CNTNAP2: variants seen among roughly 807,000 people sequenced by gnomAD.
The protein encoded by CNTNAP2 is contactin associated protein 2.
CNTNAP2 carries 98 observed loss-of-function variants against 155.2 expected under a neutral mutation model. That is an observed-to-expected ratio of 0.63 (90% CI 0.54 to 0.75). The LOEUF is 0.75. Among genes scored for constraint, CNTNAP2 ranks in the 30% least tolerant of loss-of-function variants. The pLI, the probability that CNTNAP2 is intolerant of heterozygous loss-of-function variation, is 0.00. For missense variants in CNTNAP2, 1,727 were observed against 1,688.1 expected, an observed-to-expected ratio of 1.02 and a Z score of -0.40; for synonymous variants, 651 against 631.2, an observed-to-expected ratio of 1.03 and a Z score of -0.47.
chr7:148,324,139 C>T (rs1348282388), intron 21 of CNTNAP2, among the ~76,000 whole-genome samples: 1 of 151,998 alleles, frequency 6.6e-6, no homozygotes, highest in Non-Finnish European at 1.5e-5. Flanking sequence ...CCCACTTCGG[C>T]CCCCCAAAGT....
intron 12 of CNTNAP2, among the ~76,000 whole-genome samples, chr7:147,577,598 G>A (rs1800418944): frequency 6.6e-6 from 1 of 151,832 alleles, no homozygotes; most frequent in Non-Finnish European, 1.5e-5. Flanking sequence ...GGGGTGGCAG[G>A]AGGGGGCTGA....
At chr7:147,139,181 C>G (rs1427046232) in intron 8 of CNTNAP2, among the ~76,000 whole-genome samples, 1 of 152,032 alleles carries the variant, frequency 6.6e-6, no homozygotes, top group Non-Finnish European at 1.5e-5. Context: ...ATTGTATCTA[C>G]TTAACATGTA....
intron 1 of CNTNAP2, among the ~76,000 whole-genome samples, chr7:146,195,845 A>G (rs1798767528): frequency 6.6e-6 from 1 of 152,284 alleles, no homozygotes; most frequent in Non-Finnish European, 1.5e-5. Flanking sequence ...ATTTGTATTT[A>G]CCACATCATT....
intron 15 of CNTNAP2, among the ~76,000 whole-genome samples, chr7:148,022,815 C>T (rs1237813370): frequency 1.3e-5 from 2 of 152,052 alleles, no homozygotes; most frequent in Admixed American, 6.6e-5. Flanking sequence ...ACCGTCTGCC[C>T]GATCATCAGT....
intron 20 of CNTNAP2, among the ~76,000 whole-genome samples, chr7:148,247,625 CTATTTATTTATTTATTTATT>C (rs71527888): frequency 6.1e-4 from 64 of 105,316 alleles, no homozygotes; most frequent in African/African-American, 2.0e-3. Context: ...CTCTCTCTCT[CTATTTATTTATTTATTTATT>C]TATTTATTTA....
intron 2 of CNTNAP2, chr7:146,782,282 A>G (rs987240470): frequency 6.6e-6 from 1 of 152,206 alleles, no homozygotes; most frequent in Non-Finnish European, 1.5e-5. Flanking sequence ...TTATAAAAGC[A>G]CATCCTTGGG....
At chr7:146,388,876 G>T (rs1434102829) in intron 1 of CNTNAP2, among the ~76,000 whole-genome samples, 1 of 152,000 alleles carries the variant, frequency 6.6e-6, no homozygotes, top group African/African-American at 2.4e-5. Flanking sequence ...GTCTTTCTGT[G>T]CCTGGCTTGA....
chr7:147,393,171 G>T (rs1379156891), intron 9 of CNTNAP2, among the ~76,000 whole-genome samples: 1 of 151,976 alleles, frequency 6.6e-6, no homozygotes, highest in Non-Finnish European at 1.5e-5. Flanking sequence ...GTCCATCTTG[G>T]AATATTATGG....
At chr7:147,227,509 C>T (rs1368942070) in intron 8 of CNTNAP2, among the ~76,000 whole-genome samples, 1 of 151,940 alleles carries the variant, frequency 6.6e-6, no homozygotes, top group Admixed American at 6.6e-5. Context: ...TACAAATATC[C>T]AGGTCGTTTT....
At position 146,690,059 on chromosome 7, in the gene CNTNAP2, C is replaced by T. The variant is rs533075686; in HGVS notation, c.98-84212C>T. On this transcript the variant is annotated intron_variant, in intron 1 of 23. Transcript: ENST00000361727. ...ATAATTTTGCAAATAGCCACACACA[C>T]AATTTTTCTAAATTTGATGAGTCTT... 4.6e-5 allele frequency among the ~76,000 whole-genome samples: 7 copies of T among 151,986 alleles called. No individual in the cohort carries two copies. In the South Asian group the frequency reaches 1.5e-3, roughly 32 times the overall value.
intron 22 of CNTNAP2, 87 bp downstream of exon 22, chr7:148,383,975 C>A: frequency 6.6e-7 from 1 of 1,515,556 alleles, no homozygotes; most frequent in South Asian, 1.2e-5. Flanking sequence ...AATAACAGAA[C>A]CTCACTGGTA....
intron 1 of CNTNAP2, among the ~76,000 whole-genome samples, chr7:146,529,819 G>A (rs1252915461): frequency 6.6e-6 from 1 of 151,996 alleles, no homozygotes; most frequent in Non-Finnish European, 1.5e-5. Flanking sequence ...ACAAAAACTA[G>A]CTGGGCATAG....
At chr7:147,633,260 T>A (rs1795119715) in intron 12 of CNTNAP2, among the ~76,000 whole-genome samples, 1 of 152,152 alleles carries the variant, frequency 6.6e-6, no homozygotes, top group South Asian at 2.1e-4. Context: ...GGCCTGTGGG[T>A]ACACAGAAGT....
At chr7:147,127,305 G>C (rs112168707) in intron 6 of CNTNAP2, among the ~76,000 whole-genome samples, 5 of 151,092 alleles carry the variant, frequency 3.3e-5, no homozygotes, top group African/African-American at 1.2e-4. Flanking sequence ...TCTTATATAT[G>C]AACTGTGTGG....
intron 21 of CNTNAP2, among the ~76,000 whole-genome samples, chr7:148,330,930 CGGATGGAATT>C (rs1797987751): frequency 2.1e-4 from 24 of 112,586 alleles, no homozygotes; most frequent in East Asian, 8.0e-4. Context: ...ATGGAATGGA[CGGATGGAATT>C]GGATGGAGTG....
intron 1 of CNTNAP2, among the ~76,000 whole-genome samples, chr7:146,712,391 A>AGTATACATATTT (rs1293782028): frequency 1.5e-5 from 2 of 132,170 alleles, no homozygotes; most frequent in African/African-American, 2.7e-5. Flanking sequence ...TATACTATAT[A>AGTATACATATTT]TATAAATAAA....
intron 6 of CNTNAP2, among the ~76,000 whole-genome samples, chr7:147,123,440 A>G (rs1801161252): frequency 6.6e-6 from 1 of 152,246 alleles, no homozygotes; most frequent in Non-Finnish European, 1.5e-5. Flanking sequence ...AACACTTGCT[A>G]TATCGGATCA....
chr7:146,400,905 G>A (rs578257275), intron 1 of CNTNAP2, among the ~76,000 whole-genome samples: 1 of 152,292 alleles, frequency 6.6e-6, no homozygotes, highest in African/African-American at 2.4e-5. Flanking sequence ...TACAGAAGAT[G>A]ACGTGCAGAT....
chr7:147,013,034 C>A (rs1798656020), intron 3 of CNTNAP2, among the ~76,000 whole-genome samples: 1 of 151,890 alleles, frequency 6.6e-6, no homozygotes, highest in Non-Finnish European at 1.5e-5. Context: ...TTTGACCCCC[C>A]AAAATGACAA....
Sources: gnomAD v4.1 joint callset for allele counts (sites outside exome capture counted in the v4.1 genomes callset) on GRCh38, gnomAD v4.1.1 for gene constraint, MANE v1.5 for transcripts, NCBI Gene and HGNC (gene_info 2026-07-23, HGNC 2026-07-21) for gene names.